The following ZFHX3 variants were observed in gnomAD, a reference collection of about 807,000 sequenced individuals.
The protein encoded by ZFHX3 is zinc finger homeobox 3, also known as zinc finger homeobox protein 3.
Under a neutral mutation model 279.1 loss-of-function variants are expected in ZFHX3, and 42 were observed. That is an observed-to-expected ratio of 0.15 (90% CI 0.12 to 0.19). The LOEUF (loss-of-function observed/expected upper bound fraction) is 0.19. ZFHX3 is among the 10% of genes least tolerant of loss of function. ZFHX3 has a pLI of 1.00. For missense variants in ZFHX3, 4,981 were observed against 4,754.0 expected, an observed-to-expected ratio of 1.05 and a Z score of -1.40; for synonymous variants, 2,293 against 1,957.8, an observed-to-expected ratio of 1.17 and a Z score of -4.52.
chr16:73,214,850 T>TTTC (rs2012147323), intron 5 of ZFHX3, among the ~76,000 whole-genome samples: 1 of 142,000 alleles, frequency 7.0e-6, no homozygotes, highest in Non-Finnish European at 1.5e-5. Flanking sequence ...GGCCTTTTTT[T>TTTC]TTTTTTTTTT....
intron 2 of ZFHX3, among the ~76,000 whole-genome samples, chr16:73,466,704 C>A (rs1278331069): frequency 6.6e-6 from 1 of 152,168 alleles, no homozygotes; most frequent in Non-Finnish European, 1.5e-5. Context: ...GTTCTCAACC[C>A]ATGGCAGTGT....
intron 2 of ZFHX3, chr16:73,608,685 C>T (rs572918741): frequency 1.8e-4 from 27 of 152,214 alleles, no homozygotes; most frequent in African/African-American, 6.0e-4. Flanking sequence ...ATGACTAAAT[C>T]CATGGCAATT....
chr16:73,261,692 T>TTTTTTTTTTG (rs61577479), intron 4 of ZFHX3, among the ~76,000 whole-genome samples: 1 of 128,930 alleles, frequency 7.8e-6, no homozygotes, highest in Non-Finnish European at 1.7e-5. Flanking sequence ...TTTTTTTTTT[T>TTTTTTTTTTG]AGGACAGAGT....
chr16:72,806,369 A>G lies in ZFHX3; in HGVS notation c.3864+5208T>C, dbSNP rs973948732. On this transcript the variant is annotated intron_variant, in intron 7 of 9. Transcript: ENST00000268489. Reference sequence around the variant, plus strand: ...CATGAAGAGTTATACACGTGTGCGCAGAGAGGTGAGAACTGAGAAGGAGAA... The same window carrying G: ...CATGAAGAGTTATACACGTGTGCGCGGAGAGGTGAGAACTGAGAAGGAGAA... Among the ~76,000 whole-genome samples the G allele has an allele frequency of 3.3e-5, 5 of 152,328 alleles. 1 individual carries two copies. Among genetic ancestry groups the G allele is most frequent in the Non-Finnish European group, 1.5e-5 (1 of 68,036 alleles).
intron 4 of ZFHX3, among the ~76,000 whole-genome samples, chr16:72,876,900 C>T (rs930907290): frequency 1.3e-5 from 2 of 152,038 alleles, no homozygotes; most frequent in Admixed American, 6.5e-5. Context: ...GGTCTTTCAA[C>T]GTGAGCCTGA....
intron 5 of ZFHX3, among the ~76,000 whole-genome samples, chr16:73,196,581 G>GA (rs34660692): frequency 0.029 from 4,029 of 140,452 alleles, 73 homozygotes; most frequent in Non-Finnish European, 0.037. Context: ...ATCCTGGCCA[G>GA]AAAAAAAAAA....
At position 73,876,783 on chromosome 16, in the gene ZFHX3, C is replaced by T. The variant is rs76857073; in HGVS notation, c.-1608+14868G>A. 2.5e-3 allele frequency among the ~76,000 whole-genome samples: 383 copies of T among 152,214 alleles called. 2 individuals are homozygous for T. The highest frequency in any genetic ancestry group is 9.0e-3 in the African/African-American group (375 of 41,550). On this transcript the variant is annotated intron_variant, in intron 1 of 17. Transcript: ENST00000641206. The stretch of plus-strand genomic sequence containing the variant: ...TTTCTTAACCATGTAAAACAACCCC[C>T]TAGAAGAGGTCTAGAATGAGCTTTG...
intron 2 of ZFHX3, among the ~76,000 whole-genome samples, chr16:73,542,205 A>T (rs945796972): frequency 1.3e-5 from 2 of 150,816 alleles, no homozygotes; most frequent in Non-Finnish European, 3.0e-5. Context: ...CACACTTTCA[A>T]GTGGCCTTAA....
chr16:73,632,668 G>C (rs1163166334), intron 2 of ZFHX3, among the ~76,000 whole-genome samples: 1 of 146,776 alleles, frequency 6.8e-6, no homozygotes, highest in Non-Finnish European at 1.5e-5. Flanking sequence ...CCTGGCAACA[G>C]CGCAAGACTC....
At chr16:73,156,210 C>T (rs1312611147) in intron 5 of ZFHX3, among the ~76,000 whole-genome samples, 8 of 125,060 alleles carry the variant, frequency 6.4e-5, no homozygotes, top group Admixed American at 3.1e-4. Context: ...CCAGCCTGGG[C>T]GACAGAGTGA....
intron 1 of ZFHX3, among the ~76,000 whole-genome samples, chr16:73,705,825 T>A (rs750447981): frequency 6.6e-6 from 1 of 152,206 alleles, no homozygotes; most frequent in Admixed American, 6.5e-5. Context: ...CCAACCCTCA[T>A]GGACCCATAT....
At chr16:73,292,942 G>T (rs1305358471) in intron 4 of ZFHX3, among the ~76,000 whole-genome samples, 1 of 152,198 alleles carries the variant, frequency 6.6e-6, no homozygotes, top group East Asian at 1.9e-4. Context: ...TGACAGTTTT[G>T]GAAGAAGCCA....
chr16:73,277,167 T>C (rs2014322620), intron 4 of ZFHX3, among the ~76,000 whole-genome samples: 1 of 152,208 alleles, frequency 6.6e-6, no homozygotes, highest in Non-Finnish European at 1.5e-5. Context: ...ACTTGCTGAG[T>C]TGACTTACAA....
At chr16:73,304,363 C>T (rs1287596157) in intron 4 of ZFHX3, among the ~76,000 whole-genome samples, 2 of 152,158 alleles carry the variant, frequency 1.3e-5, no homozygotes, top group Non-Finnish European at 1.5e-5. Flanking sequence ...GGGGCTTTGC[C>T]ATGCTGTTTC....
At chr16:73,000,258 G>A (rs918412964) in intron 1 of ZFHX3, among the ~76,000 whole-genome samples, 2 of 152,226 alleles carry the variant, frequency 1.3e-5, no homozygotes, top group Non-Finnish European at 2.9e-5. Context: ...AGGGACGAAG[G>A]GCACGCGGTG....
At chr16:73,605,075 G>T (rs949882859) in intron 2 of ZFHX3, among the ~76,000 whole-genome samples, 10 of 152,162 alleles carry the variant, frequency 6.6e-5, no homozygotes, top group Non-Finnish European at 1.2e-4. Context: ...TGCTTTAAAG[G>T]TTGCTTGGGC....
chr16:73,851,125 CG>C (rs1961584941), intron 1 of ZFHX3, among the ~76,000 whole-genome samples: 2 of 152,064 alleles, frequency 1.3e-5, no homozygotes, highest in African/African-American at 4.8e-5. Flanking sequence ...AACATGGTTA[CG>C]AACGATTTTT....
intron 6 of ZFHX3, among the ~76,000 whole-genome samples, chr16:73,142,780 A>G (rs956877340): frequency 3.3e-5 from 5 of 152,264 alleles, no homozygotes; most frequent in Admixed American, 3.3e-4. Context: ...AGCATTTTAT[A>G]TGCACTACCC....
intron 1 of ZFHX3, chr16:73,815,729 T>C (rs559981142): frequency 6.6e-6 from 1 of 151,992 alleles, no homozygotes; most frequent in South Asian, 2.1e-4. Flanking sequence ...GCCCGGTTAA[T>C]TTTTTTTGTA....
Sources: allele counts gnomAD v4.1 joint callset (sites outside exome capture counted in the v4.1 genomes callset), GRCh38; gene constraint gnomAD v4.1.1; transcripts MANE v1.5; gene names NCBI Gene and HGNC (gene_info 2026-07-23, HGNC 2026-07-21).